The following COL12A1 variants were observed in gnomAD, a reference collection of about 807,000 sequenced individuals.
The protein encoded by COL12A1 is collagen type XII alpha 1 chain.
COL12A1 carries 114 observed loss-of-function variants against 349.7 expected under a neutral mutation model. The ratio of observed to expected loss-of-function variants is 0.33; its 90% CI spans 0.28 to 0.38. COL12A1 has a LOEUF of 0.38. COL12A1 is among the 10% of genes least tolerant of loss of function. COL12A1 has a pLI of 1.00. For missense variants in COL12A1, 3,284 were observed against 3,756.9 expected (o/e 0.87, Z 3.29); for synonymous variants, 1,369 against 1,329.0 (o/e 1.03, Z -0.66).
chr6:75,199,670 A>G (rs914245290), intron 2 of COL12A1, among the ~76,000 whole-genome samples: 1 of 152,240 alleles, frequency 6.6e-6, no homozygotes, highest in Admixed American at 6.5e-5. Flanking sequence ...AATAATTCAT[A>G]CATTCTAGGC....
In COL12A1 at chr6:75,134,845, C is replaced by G. The variant is rs1380114547; in HGVS notation, c.5405G>C (p.Gly1802Ala). 1.2e-6 allele frequency: 2 copies of G among 1,610,146 alleles called. No homozygotes were observed. The highest frequency in any genetic ancestry group is 1.7e-6 in the Non-Finnish European group (2 of 1,177,392). The change falls in exon 32 of 66, where the codon GGA (glycine) becomes GCA (alanine). Residue 1802 changes from glycine (G) to alanine (A), a missense_variant. By Grantham distance (60) the Gly-to-Ala change is moderately conservative. This residue lies in a region of COL12A1 where 2,601 missense variants were observed against 2,824.8 expected (regional missense o/e 0.92). Coordinates refer to ENST00000322507, the MANE Select transcript of COL12A1 (RefSeq NM_004370.6). ...GEGNEQTTTI[G>A]GRQNSVVLQK... The stretch of plus-strand genomic sequence containing the variant: ...CAGGACCACACTGTTCTGCCGTCCT[C>G]CTATTGTGGTCTTGAGTAAAAAGGG...
chr6:75,145,963 G>GA, intron 24 of COL12A1, 139 bp downstream of exon 24: 1 of 953,676 alleles, frequency 1.0e-6, no homozygotes, highest in Non-Finnish European at 1.5e-6. Context: ...ATGTGTTGCA[G>GA]ACCACAAACC....
In COL12A1 at chr6:75,132,068, C is replaced by T. The variant is rs1562184031; in HGVS notation, c.5809G>A (p.Ala1937Thr). 3.1e-6 allele frequency: 5 copies of T among 1,613,972 alleles called. No homozygotes were observed. Among genetic ancestry groups the T allele is most frequent in the Non-Finnish European group, 4.2e-6 (5 of 1,179,884 alleles). ...DTGRTLMRGL[A>T]RNVQVYNPTP... ...GGATTGTATACTTGGACATTTCTTG[C>T]CAGTCCTCTCATCACTGAGGAAATG... Residue 1937 changes from alanine (A) to threonine (T), a missense_variant, in exon 35 of 66, where the codon GCA (alanine) becomes ACA (threonine). Coordinates refer to ENST00000322507, the MANE Select transcript of COL12A1 (RefSeq NM_004370.6).
rs763858637 is a variant in COL12A1 at position 75,119,059 on chromosome 6, C to A, written c.7338G>T (p.Leu2446Phe). The change falls in exon 46 of 66, where the codon TTG becomes TTT. Residue 2446 changes from leucine to phenylalanine, a missense_variant. Physicochemically the swap from Leu to Phe is conservative, Grantham distance 22. This residue lies in a region of COL12A1 where 683 missense variants were observed against 932.1 expected (regional missense o/e 0.73). Coordinates refer to ENST00000322507, the MANE Select transcript of COL12A1 (RefSeq NM_004370.6). ...TGTGCTTGCCTGACTGCTGGATGACCAAAGCCGCCTTCTTGACCTCATCCT... is the reference window on the plus strand; with the variant it reads ...TGTGCTTGCCTGACTGCTGGATGACAAAAGCCGCCTTCTTGACCTCATCCT... The part of the protein sequence containing the change: ...RSQDEVKKAA[L>F]VIQQSGFSVF... 105 of 1,613,786 alleles carry A rather than the reference C, an allele frequency of 6.5e-5. No individual in the cohort carries two copies. Among genetic ancestry groups the A allele is most frequent in the Non-Finnish European group, 8.3e-5 (98 of 1,179,888 alleles).
At chr6:75,105,800 C>A (rs2149348441) in intron 53 of COL12A1, among the ~76,000 whole-genome samples, 1 of 152,228 alleles carries the variant, frequency 6.6e-6, no homozygotes, top group East Asian at 1.9e-4. Flanking sequence ...CTTATTAATT[C>A]TTTCTCTCCC....
chr6:75,138,998 A>G, intron 27 of COL12A1, 37 bp from the exon 28 acceptor site: 1 of 1,609,200 alleles, frequency 6.2e-7, no homozygotes, highest in Non-Finnish European at 8.5e-7. Flanking sequence ...AAGTTTTTGA[A>G]TGTGAGCTGC....
In COL12A1 at chr6:75,142,091, C is replaced by T. The variant is rs1447209458; in HGVS notation, c.4898G>A (p.Ser1633Asn). The T allele has an allele frequency of 6.2e-7, 1 of 1,614,144 alleles. No individual in the cohort carries two copies. The highest frequency in any genetic ancestry group is 1.3e-5 in the African/African-American group (1 of 75,044). Residue 1633 changes from serine to asparagine, a missense_variant, in exon 27 of 66, where the codon AGC becomes AAC. Coordinates refer to ENST00000322507, the MANE Select transcript of COL12A1 (RefSeq NM_004370.6). ...DLFSQTLYTVSVSAVHDEGES... is the reference protein window; with the variant it reads ...DLFSQTLYTVNVSAVHDEGES... ...CCCCTCGTCATGTACTGCAGAAACGCTGACTGTGTACAAGGTCTGTGAGAA... is the reference window on the plus strand; with the variant it reads ...CCCCTCGTCATGTACTGCAGAAACGTTGACTGTGTACAAGGTCTGTGAGAA...
rs1267885661 is a variant in COL12A1 at position 75,194,914 on chromosome 6, A to C, written c.107T>G (p.Ile36Arg). The C allele has an allele frequency of 6.2e-7, 1 of 1,608,322 alleles. No individual in the cohort carries two copies. The highest frequency in any genetic ancestry group is 2.2e-5 in the East Asian group (1 of 44,710). Residue 36 changes from isoleucine (I) to arginine (R), a missense_variant, in exon 3 of 66, where the codon ATA (isoleucine) becomes AGA (arginine). Ile to Arg is a moderately conservative substitution (Grantham distance 97). Transcript: ENST00000322507. Reference sequence around the variant, plus strand: ...TGACATATGAACAGTATTTTCATCTATAATTTTAAAATTCAAGTCTGAAGG... The same window carrying C: ...TGACATATGAACAGTATTTTCATCTCTAATTTTAAAATTCAAGTCTGAAGG... ...DPPSDLNFKI[I>R]DENTVHMSWA...
At position 75,086,148 on chromosome 6, in the gene COL12A1, C is replaced by T. The variant is rs1767477545; in HGVS notation, c.*399G>A. The T allele has an allele frequency of 6.5e-6, 1 of 153,288 alleles. No homozygotes were observed. The highest frequency in any genetic ancestry group is 1.5e-5 in the Non-Finnish European group (1 of 68,786). The allele number at this position is 153,288 out of a possible 1,614,324, so 9.5% of individuals were successfully genotyped here. On this transcript the variant is annotated 3_prime_UTR_variant, in exon 66 of 66. Coordinates refer to ENST00000322507, the MANE Select transcript of COL12A1 (RefSeq NM_004370.6). The stretch of plus-strand genomic sequence containing the variant: ...GATCACATACAAATCATTTACAAGC[C>T]ACAATTAGTTTATTATTTACATAAG...
intron 11 of COL12A1, among the ~76,000 whole-genome samples, chr6:75,178,908 G>T (rs1267864528): frequency 2.0e-5 from 3 of 152,182 alleles, no homozygotes; most frequent in Non-Finnish European, 4.4e-5. Flanking sequence ...TTACACCCAT[G>T]ATTCATTTTG....
intron 2 of COL12A1, among the ~76,000 whole-genome samples, chr6:75,198,440 T>C (rs927946708): frequency 6.6e-6 from 1 of 151,214 alleles, no homozygotes; most frequent in Non-Finnish European, 1.5e-5. Flanking sequence ...TAATTATATG[T>C]GCATATATTA....
At chr6:75,114,099 T>C (rs143398911) in intron 49 of COL12A1, among the ~76,000 whole-genome samples, 4 of 151,914 alleles carry the variant, frequency 2.6e-5, no homozygotes, top group Admixed American at 1.3e-4. Context: ...TAAAATTATA[T>C]GATAATTTTA....
chr6:75,102,668 T>C lies in COL12A1; in HGVS notation c.8344A>G (p.Ile2782Val), dbSNP rs960994066. ...GGACCCTGGGGGCCTGGAGGACCTA[T>C]GTCTCCACGAGGACCAGGGGGCCCC... Reference protein sequence around the residue: ...AIGPPGPRGDIGPPGPQGPPG... With the variant: ...AIGPPGPRGDVGPPGPQGPPG... The change falls in exon 56 of 66, where the codon ATA becomes GTA. Residue 2782 changes from isoleucine to valine, a missense_variant. Coordinates refer to ENST00000322507, the MANE Select transcript of COL12A1 (RefSeq NM_004370.6). The C allele has an allele frequency of 2.5e-6, 4 of 1,570,424 alleles. No homozygotes were observed. Among genetic ancestry groups the C allele is most frequent in the Non-Finnish European group, 3.4e-6 (4 of 1,160,132 alleles).
In COL12A1 at chr6:75,136,567, A is replaced by C. The variant is rs142432316; in HGVS notation, c.5394+870T>G. ...CCCATTTGCTTGAGCTCGGCAAGTC[A>C]GATGATTAAAGGTTAATAACACATG... On this transcript the variant is annotated intron_variant, in intron 31 of 65. Coordinates refer to ENST00000322507, the MANE Select transcript of COL12A1 (RefSeq NM_004370.6). 1.4e-4 allele frequency among the ~76,000 whole-genome samples: 22 copies of C among 152,354 alleles called. No individual in the cohort carries two copies. In the East Asian group the frequency reaches 4.2e-3, roughly 29 times the overall value.
chr6:75,141,948 GA>G lies in COL12A1; in HGVS notation c.4957+83del. On this transcript the variant is annotated intron_variant, in intron 27 of 65. Transcript: ENST00000322507. ...TAAACACTGGCAAAGGTAGCATTAAGAAACAAAATGACCCAGTAAATTGTGT... is the reference window on the plus strand; with the variant it reads ...TAAACACTGGCAAAGGTAGCATTAAGAACAAAATGACCCAGTAAATTGTGT... The G allele has an allele frequency of 2.0e-6, 3 of 1,524,506 alleles. No homozygotes were observed. In the South Asian group the frequency reaches 3.7e-5, roughly 19 times the overall value. 94.4% of individuals were successfully genotyped at this position (1,524,506 alleles called of 1,614,324 possible).
chr6:75,174,284 G>T (rs372871287), intron 13 of COL12A1, among the ~76,000 whole-genome samples: 1 of 152,132 alleles, frequency 6.6e-6, no homozygotes, highest in Non-Finnish European at 1.5e-5. Context: ...TTGGCCAGGC[G>T]CGGTGGCTCA....
Position 75,136,034 on chromosome 6 carries a change from G to C in COL12A1, c.5395-1179C>G, listed in dbSNP as rs550596490. On this transcript the variant is annotated intron_variant, in intron 31 of 65. Transcript: ENST00000322507. Reference sequence around the variant, plus strand: ...CCCCAAAGACTAACAAAGCTTAAGGGCTTCATACTTTCCAGAAGATAAGTT... The same window carrying C: ...CCCCAAAGACTAACAAAGCTTAAGGCCTTCATACTTTCCAGAAGATAAGTT... Among the ~76,000 whole-genome samples, 6 of 152,158 alleles carry C rather than the reference G, an allele frequency of 3.9e-5. No individual in the cohort carries two copies. The South Asian group carries it at 1.2e-3, about 32-fold the overall frequency.
intron 46 of COL12A1, 125 bp downstream of exon 46, chr6:75,118,918 G>T: frequency 7.9e-7 from 1 of 1,259,550 alleles, no homozygotes; most frequent in Non-Finnish European, 1.1e-6. Flanking sequence ...CATTACGAAG[G>T]TATACCGTGC....
At chr6:75,108,184 G>T (rs12662415) in intron 52 of COL12A1, among the ~76,000 whole-genome samples, 3,378 of 151,882 alleles carry the variant, frequency 0.022, 125 homozygotes, top group East Asian at 0.19. Context: ...GGCTCTAGCA[G>T]TCTTCCCACC....
Sources: gnomAD v4.1 joint callset for allele counts (sites outside exome capture counted in the v4.1 genomes callset) on GRCh38, gnomAD v4.1.1 for gene constraint, gnomAD v4.1.1 regional missense constraint, MANE v1.5 for transcripts, NCBI Gene and HGNC (gene_info 2026-07-23, HGNC 2026-07-21) for gene names.